Variants in CRTC3 observed in about 807,000 individuals in gnomAD.
CRTC3 encodes CREB-regulated transcription coactivator 3.
In CRTC3, 26 loss-of-function variants were observed where a neutral mutation model predicts 74.5. That is an observed-to-expected ratio of 0.35 (90% CI 0.26 to 0.48). The LOEUF (loss-of-function observed/expected upper bound fraction) is 0.48, where lower values mean the gene tolerates loss of function less well. Among genes scored for constraint, CRTC3 ranks in the 20% least tolerant of loss-of-function variants. CRTC3 has a pLI of 0.99. For missense variants in CRTC3, 760 were observed against 787.3 expected (o/e 0.97, Z 0.41); for synonymous variants, 377 against 325.8 (o/e 1.16, Z -1.69).
intron 2 of CRTC3, among the ~76,000 whole-genome samples, chr15:90,579,987 A>G (rs1388236637): frequency 6.6e-6 from 1 of 152,176 alleles, no homozygotes; most frequent in Non-Finnish European, 1.5e-5. Flanking sequence ...TGCTGATTGC[A>G]CATCCCCACT....
chr15:90,568,651 A>G (rs1193528528), intron 2 of CRTC3, among the ~76,000 whole-genome samples: 1 of 152,176 alleles, frequency 6.6e-6, no homozygotes, highest in Non-Finnish European at 1.5e-5. Context: ...CAATTTTGAA[A>G]CAAGTTCTAT....
rs1355671972 is a variant in CRTC3, at chr15:90,642,933, C to CA, written c.*794dup. On this transcript the variant is annotated 3_prime_UTR_variant, in exon 15 of 15. Coordinates refer to ENST00000268184, the MANE Select transcript of CRTC3 (RefSeq NM_022769.5). ...ACAGGGACTGCAGGTGTCTCATACT[C>CA]AGTGGCCTCCAGACAAACTCCAGAC... 2 of 233,072 alleles carry CA rather than the reference C, an allele frequency of 8.6e-6. No individual in the cohort carries two copies. The highest frequency in any genetic ancestry group is 4.4e-5 in the African/African-American group (2 of 45,284). 14.4% of individuals were successfully genotyped at this position (233,072 alleles called of 1,614,324 possible). A position where few individuals can be genotyped will look rare whatever the true frequency, so the allele number is the denominator to read the frequency against.
At chr15:90,591,978 C>G (rs1223204194) in intron 2 of CRTC3, among the ~76,000 whole-genome samples, 1 of 152,024 alleles carries the variant, frequency 6.6e-6, no homozygotes, top group African/African-American at 2.4e-5. Flanking sequence ...GAAGTTTTTC[C>G]TTGGTAAGAT....
chr15:90,588,863 G>A (rs953902160), intron 2 of CRTC3, among the ~76,000 whole-genome samples: 1 of 152,098 alleles, frequency 6.6e-6, no homozygotes, highest in Non-Finnish European at 1.5e-5. Context: ...GGTATCCCTG[G>A]GACAAGCAGC....
intron 2 of CRTC3, among the ~76,000 whole-genome samples, chr15:90,545,765 A>G (rs1275995813): frequency 1.3e-5 from 2 of 152,008 alleles, no homozygotes; most frequent in East Asian, 1.9e-4. Context: ...TTTTTAGTAG[A>G]GACGGGGTTT....
intron 2 of CRTC3, among the ~76,000 whole-genome samples, chr15:90,580,936 T>G (rs1368955187): frequency 2.0e-5 from 3 of 152,242 alleles, no homozygotes. Flanking sequence ...TTTGTATTTT[T>G]CTGCTGTTTA....
At chr15:90,564,838 G>A (rs1333791630) in intron 2 of CRTC3, among the ~76,000 whole-genome samples, 9 of 152,308 alleles carry the variant, frequency 5.9e-5, no homozygotes, top group Non-Finnish European at 4.4e-5. Flanking sequence ...GGACTCAAGA[G>A]TAAGGCAGCT....
Position 90,607,397 on chromosome 15 carries a change from C to G in CRTC3, c.496C>G (p.Leu166Val). The G allele has an allele frequency of 6.2e-7, 1 of 1,612,354 alleles. No homozygotes were observed. The highest frequency in any genetic ancestry group is 8.5e-7 in the Non-Finnish European group (1 of 1,179,016). The change falls in exon 6 of 15, where the codon CTT becomes GTT. Residue 166 changes from leucine to valine, a missense_variant. Physicochemically the swap from Leu to Val is conservative, Grantham distance 32 (BLOSUM62 1). Coordinates refer to ENST00000268184, the MANE Select transcript of CRTC3 (RefSeq NM_022769.5). ...ALNRTNSDSA[L>V]HTSALSTKPQ... Reference sequence around the variant, plus strand: ...CCTTAGGACCAATTCTGATTCTGCTCTTCACACGAGTGCTCTGAGTACCAA... The same window carrying G: ...CCTTAGGACCAATTCTGATTCTGCTGTTCACACGAGTGCTCTGAGTACCAA...
intron 6 of CRTC3, among the ~76,000 whole-genome samples, chr15:90,613,355 T>C (rs1968411969): frequency 6.6e-6 from 1 of 152,222 alleles, no homozygotes; most frequent in African/African-American, 2.4e-5. Flanking sequence ...AGTCTGGTTC[T>C]GTGGGCCTGA....
At chr15:90,639,559 C>T (rs1442794680) in intron 13 of CRTC3, among the ~76,000 whole-genome samples, 2 of 150,314 alleles carry the variant, frequency 1.3e-5, no homozygotes, top group Non-Finnish European at 3.0e-5. Flanking sequence ...AAGTGATTCT[C>T]ATGTCTCAGA....
At chr15:90,624,853 G>A (rs1236202708) in intron 9 of CRTC3, 2 of 152,766 alleles carry the variant, frequency 1.3e-5, no homozygotes, top group East Asian at 1.9e-4. Flanking sequence ...ACTAGGCCTG[G>A]GGGGTGGCTA....
At chr15:90,626,154 A>C (rs1346856094) in intron 10 of CRTC3, among the ~76,000 whole-genome samples, 161 bp downstream of exon 10, 1 of 152,100 alleles carries the variant, frequency 6.6e-6, no homozygotes, top group Non-Finnish European at 1.5e-5. Context: ...TTTTTCTTGG[A>C]TGTTTCTGTT....
At chr15:90,601,278 C>T (rs1968061985) in intron 3 of CRTC3, among the ~76,000 whole-genome samples, 1 of 152,164 alleles carries the variant, frequency 6.6e-6, no homozygotes, top group South Asian at 2.1e-4. Context: ...CAACACAAGA[C>T]TGATAAGACA....
chr15:90,592,067 A>G (rs746303518), intron 2 of CRTC3, among the ~76,000 whole-genome samples: 1 of 152,222 alleles, frequency 6.6e-6, no homozygotes, highest in Non-Finnish European at 1.5e-5. Flanking sequence ...CAGAGATTTT[A>G]TGAGTCCACT....
chr15:90,587,240 CATCTA>C (rs1368896812), intron 2 of CRTC3, among the ~76,000 whole-genome samples: 1 of 152,208 alleles, frequency 6.6e-6, no homozygotes, highest in Non-Finnish European at 1.5e-5. Flanking sequence ...ACTGATATCT[CATCTA>C]ACTGAGCTCT....
chr15:90,570,708 C>T (rs1401505183), intron 2 of CRTC3, among the ~76,000 whole-genome samples: 1 of 152,150 alleles, frequency 6.6e-6, no homozygotes, highest in Non-Finnish European at 1.5e-5. Context: ...AATGCATCCT[C>T]ATAAGAGTTC....
chr15:90,643,282 G>C lies in CRTC3; in HGVS notation c.*1142G>C, dbSNP rs1969515635. The stretch of plus-strand genomic sequence containing the variant: ...CCTGTAGCTATCCCCTTCCCTGCCA[G>C]ATCTTCTCAGAGCTTTAGCTTTTCT... On this transcript the variant is annotated 3_prime_UTR_variant, in exon 15 of 15. Transcript: ENST00000268184. 1 of 232,130 alleles carries C rather than the reference G, an allele frequency of 4.3e-6. No homozygotes were observed. The highest frequency in any genetic ancestry group is 1.8e-4 in the South Asian group (1 of 5,522). 14.4% of individuals were successfully genotyped at this position (232,130 alleles called of 1,614,324 possible).
chr15:90,575,257 G>A (rs936325021), intron 2 of CRTC3, among the ~76,000 whole-genome samples: 3 of 152,046 alleles, frequency 2.0e-5, no homozygotes, highest in African/African-American at 4.8e-5. Flanking sequence ...AGGCTGAGGC[G>A]GGAAAATCGC....
In CRTC3 at chr15:90,551,936, A is replaced by ACACG. The variant is rs1486144670; in HGVS notation, c.231+11802_231+11803insGCAC. Reference sequence around the variant, plus strand: ...TACATTACATTACACACACGCACACACACACACGCACACACACACACACAC... The same window carrying ACACG: ...TACATTACATTACACACACGCACACACACGCACACACGCACACACACACACACAC... On this transcript the variant is annotated intron_variant, in intron 2 of 14. Transcript: ENST00000268184. Among the ~76,000 whole-genome samples the ACACG allele has an allele frequency of 1.2e-3, 26 of 21,046 alleles. 1 individual carries two copies. The highest frequency in any genetic ancestry group is 2.2e-3 in the African/African-American group (25 of 11,584). 13.8% of individuals were successfully genotyped at this position (21,046 alleles called of 152,430 possible). A position where few individuals can be genotyped will look rare whatever the true frequency, so the allele number is the denominator to read the frequency against.
Sources: allele counts gnomAD v4.1 joint callset (sites outside exome capture counted in the v4.1 genomes callset), GRCh38; gene constraint gnomAD v4.1.1; transcripts MANE v1.5; gene names NCBI Gene and HGNC (gene_info 2026-07-23, HGNC 2026-07-21).